Variants in TUBA8 observed in about 807,000 individuals in gnomAD.
TUBA8 encodes tubulin alpha 8, also known as tubulin alpha-8 chain.
TUBA8 carries 29 observed loss-of-function variants against 34.7 expected under a neutral mutation model. That is an observed-to-expected ratio of 0.84 (90% confidence interval 0.62 to 1.14). TUBA8 has a LOEUF of 1.14. Ranked by LOEUF, TUBA8 falls within the 50% of genes most tolerant of loss-of-function variation. The probability of loss-of-function intolerance (pLI) is 0.00; values close to 1 mark genes in which losing one functional copy is unlikely to be tolerated. For missense variants in TUBA8, 541 were observed against 599.2 expected (o/e 0.90, Z 1.01); for synonymous variants, 226 against 231.2 (o/e 0.98, Z 0.21).
At position 18,110,911 on chromosome 22, in the gene TUBA8, G is replaced by A; in HGVS notation, c.3+43G>A. ...CAGGCGGGCTGCGGGCGCGCGGCAG[G>A]CGTAGGACCGAGAGCCGAGTCTACG... On this transcript the variant is annotated intron_variant, in intron 1 of 4. Coordinates refer to ENST00000330423, the MANE Select transcript of TUBA8 (RefSeq NM_018943.3). The surrounding 1 kb of genome is among the most constrained non-coding windows in gnomAD (Gnocchi z 6.2). 6.5e-7 allele frequency: 1 copy of A among 1,540,254 alleles called. No homozygotes were observed.
Position 18,121,842 on chromosome 22 carries a change from T to G in TUBA8, c.226+141T>G, listed in dbSNP as rs1259112959. The G allele has an allele frequency of 3.9e-6, 3 of 763,224 alleles. No individual in the cohort carries two copies. The highest frequency in any genetic ancestry group is 6.5e-6 in the Non-Finnish European group (3 of 462,944). 47.3% of individuals were successfully genotyped at this position (763,224 alleles called of 1,614,324 possible). A position where few individuals can be genotyped will look rare whatever the true frequency, so the allele number is the denominator to read the frequency against. ...AGCCTCCCACCCCACGTGACATCTG[T>G]CAGCTCCTTGGGGTCCCCACAGTCT... On this transcript the variant is annotated intron_variant, in intron 2 of 4. Transcript: ENST00000330423. This position sits in a 1 kb window ranked among gnomAD's most constrained non-coding sequence, Gnocchi z 4.8.
At chr22:18,123,822 G>A (rs535518862) in intron 2 of TUBA8, 25 of 340,462 alleles carry the variant, frequency 7.3e-5, no homozygotes, top group South Asian at 6.0e-4. Flanking sequence ...CAATCTGCCC[G>A]CCTCGGCCTC....
chr22:18,111,188 G>T lies in TUBA8; in HGVS notation c.3+320G>T. 2 of 526,978 alleles carry T rather than the reference G, an allele frequency of 3.8e-6. No homozygotes were observed. The highest frequency in any genetic ancestry group is 3.4e-6 in the Non-Finnish European group (1 of 294,860). The allele number at this position is 526,978 out of a possible 1,614,324, so 32.6% of individuals were successfully genotyped here. A position where few individuals can be genotyped will look rare whatever the true frequency, so the allele number is the denominator to read the frequency against. On this transcript the variant is annotated intron_variant, in intron 1 of 4. Transcript: ENST00000330423. This position sits in a 1 kb window ranked among gnomAD's most constrained non-coding sequence, Gnocchi z 5.1. ...AGATTCTGGGGTCCCCAGATGGGCA[G>T]CCTGTGGACAGAGTGGAGAGAAGGG...
intron 1 of TUBA8, chr22:18,120,097 ACACT>A (rs1383956077): frequency 6.6e-6 from 1 of 152,304 alleles, no homozygotes; most frequent in Non-Finnish European, 1.5e-5. Flanking sequence ...ACACACACAC[ACACT>A]GTCTCTCTCC....
In TUBA8 at chr22:18,121,156, G is replaced by C. The variant is rs1206880036; in HGVS notation, c.4-323G>C. The C allele has an allele frequency of 2.8e-6, 1 of 351,866 alleles. No individual in the cohort carries two copies. The highest frequency in any genetic ancestry group is 2.8e-5 in the South Asian group (1 of 35,550). 21.8% of individuals were successfully genotyped at this position (351,866 alleles called of 1,614,324 possible). On this transcript the variant is annotated intron_variant, in intron 1 of 4. Transcript: ENST00000330423. This position sits in a 1 kb window ranked among gnomAD's most constrained non-coding sequence, Gnocchi z 4.8. ...GCCATGATCGCCAGTTCTTCCTTGG[G>C]CCTTCTTCACCAGTGCAGGAATCTT...
At chr22:18,130,641 G>T in intron 4 of TUBA8, 1 of 631,478 alleles carries the variant, frequency 1.6e-6, no homozygotes, top group South Asian at 2.0e-5. Flanking sequence ...TGCCCTGCCT[G>T]CTTCCACTTT....
intron 1 of TUBA8, chr22:18,113,401 C>T (rs930777641): frequency 6.6e-6 from 1 of 152,216 alleles, no homozygotes; most frequent in African/African-American, 2.4e-5. Flanking sequence ...GACTATGACA[C>T]CTTTTTTGGG....
chr22:18,126,470 A>G lies in TUBA8; in HGVS notation c.492A>G (p.Lys164=). The G allele has an allele frequency of 6.2e-7, 1 of 1,613,972 alleles. No individual in the cohort carries two copies. Among genetic ancestry groups the G allele is most frequent in the South Asian group, 1.1e-5 (1 of 91,064 alleles). ...MERLSLDYGK[K]SKLEFAIYPA... is the part of the protein sequence containing the mutation. ...GCCTCTCCCTGGATTATGGCAAGAA[A>G]TCCAAGCTGGAGTTTGCCATCTACC... Residue 164 remains lysine (K), a synonymous_variant, in exon 4 of 5, where the codon AAA becomes AAG. Transcript: ENST00000330423. This position sits in a 1 kb window ranked among gnomAD's most constrained non-coding sequence, Gnocchi z 4.0.
In TUBA8 at chr22:18,121,225, C is replaced by A. The variant is rs1602493754; in HGVS notation, c.4-254C>A. The A allele has an allele frequency of 4.0e-6, 2 of 502,312 alleles. No homozygotes were observed. The highest frequency in any genetic ancestry group is 1.9e-5 in the African/African-American group (1 of 51,840). The allele number at this position is 502,312 out of a possible 1,614,324, so 31.1% of individuals were successfully genotyped here. ...CTTGCTTCATCTTTGCAACCACCCT[C>A]CTTTTTTCTTTCCTGGTATAAAAGG... is the stretch of plus-strand genomic sequence containing the variant. On this transcript the variant is annotated intron_variant, in intron 1 of 4. Transcript: ENST00000330423. This position sits in a 1 kb window ranked among gnomAD's most constrained non-coding sequence, Gnocchi z 4.8.
At position 18,121,513 on chromosome 22, in the gene TUBA8, G is replaced by A; in HGVS notation, c.38G>A (p.Gly13Glu). Residue 13 changes from glycine (G) to glutamate (E), a missense_variant, in exon 2 of 5, where the codon GGA becomes GAA. Coordinates refer to ENST00000330423, the MANE Select transcript of TUBA8 (RefSeq NM_018943.3). The surrounding 1 kb of genome is among the most constrained non-coding windows in gnomAD (Gnocchi z 4.8). ...ATATCAGTCCACGTGGGCCAAGCGGGAGTTCAGATTGGCAATGCCTGCTGG... is the reference window on the plus strand; with the variant it reads ...ATATCAGTCCACGTGGGCCAAGCGGAAGTTCAGATTGGCAATGCCTGCTGG... ...ECISVHVGQA[G>E]VQIGNACWEL... 6.2e-7 allele frequency: 1 copy of A among 1,614,196 alleles called. No homozygotes were observed. Among genetic ancestry groups the A allele is most frequent in the Non-Finnish European group, 8.5e-7 (1 of 1,180,030 alleles).
chr22:18,113,879 C>T (rs1953394234), intron 1 of TUBA8: 1 of 152,294 alleles, frequency 6.6e-6, no homozygotes, highest in African/African-American at 2.4e-5. Flanking sequence ...CATTGGGAGC[C>T]CCCAGCCTTG....
chr22:18,129,187 T>C (rs1016929802), intron 4 of TUBA8: 4 of 152,350 alleles, frequency 2.6e-5, no homozygotes, highest in Admixed American at 2.0e-4. Flanking sequence ...AATTCTTTTT[T>C]CTTTTTCAAA....
chr22:18,127,337 T>C, intron 4 of TUBA8: 1 of 349,776 alleles, frequency 2.9e-6, no homozygotes, highest in Non-Finnish European at 5.2e-6. Flanking sequence ...TCTACTCACC[T>C]GAAGTACAGT....
chr22:18,125,686 C>G (rs777070680), intron 3 of TUBA8: 1 of 153,050 alleles, frequency 6.5e-6, no homozygotes, highest in South Asian at 2.1e-4. Context: ...TGAAGTGTGT[C>G]GGCAGCAGTT....
At chr22:18,115,791 AG>A (rs1927952012) in intron 1 of TUBA8, 2 of 152,396 alleles carry the variant, frequency 1.3e-5, no homozygotes, top group South Asian at 4.1e-4. Context: ...AGAAATGAGT[AG>A]GTGCCTTTTG....
Position 18,111,889 on chromosome 22 carries a change from G to C in TUBA8, c.3+1021G>C, listed in dbSNP as rs1440884013. Reference sequence around the variant, plus strand: ...CCTCCGCCCCGCCCTGTTACGTTTGGCCCGTGCCCAGGGCCTCCTGGCTCC... The same window carrying C: ...CCTCCGCCCCGCCCTGTTACGTTTGCCCCGTGCCCAGGGCCTCCTGGCTCC... On this transcript the variant is annotated intron_variant, in intron 1 of 4. Coordinates refer to ENST00000330423, the MANE Select transcript of TUBA8 (RefSeq NM_018943.3). This position sits in a 1 kb window ranked among gnomAD's most constrained non-coding sequence, Gnocchi z 5.1. 2 of 152,222 alleles carry C rather than the reference G, an allele frequency of 1.3e-5. No individual in the cohort carries two copies. The highest frequency in any genetic ancestry group is 2.4e-5 in the African/African-American group (1 of 41,442). The allele number at this position is 152,222 out of a possible 1,614,324, so 9.4% of individuals were successfully genotyped here.
At chr22:18,116,741 T>G (rs540698243) in intron 1 of TUBA8, 4 of 152,378 alleles carry the variant, frequency 2.6e-5, no homozygotes, top group African/African-American at 9.6e-5. Context: ...TCTGTGGAAC[T>G]TCCAGGCCGA....
rs764324852 is a variant in TUBA8, at chr22:18,124,667, G to T, written c.375+363G>T. 4.8e-6 allele frequency: 1 copy of T among 209,092 alleles called. No individual in the cohort carries two copies. The highest frequency in any genetic ancestry group is 2.3e-5 in the African/African-American group (1 of 44,064). The allele number at this position is 209,092 out of a possible 1,614,324, so 13.0% of individuals were successfully genotyped here. On this transcript the variant is annotated intron_variant, in intron 3 of 4. Transcript: ENST00000330423. This position sits in a 1 kb window ranked among gnomAD's most constrained non-coding sequence, Gnocchi z 4.3. ...AGGAAGAGATTGTTGATACATTTGG[G>T]CACTTACAAGTGCCATTACAGATGT... is the stretch of plus-strand genomic sequence containing the variant.
In TUBA8 at chr22:18,124,044, C is replaced by A; in HGVS notation, c.227-112C>A. ...ATTACGAGGTGGTCTGGCTTCAAAC[C>A]TCCATGGAGTTTTATAGGTAGGGGA... On this transcript the variant is annotated intron_variant, in intron 2 of 4. Coordinates refer to ENST00000330423, the MANE Select transcript of TUBA8 (RefSeq NM_018943.3). This position sits in a 1 kb window ranked among gnomAD's most constrained non-coding sequence, Gnocchi z 4.3. 7.2e-7 allele frequency: 1 copy of A among 1,380,894 alleles called. No individual in the cohort carries two copies. Among genetic ancestry groups the A allele is most frequent in the Non-Finnish European group, 1.0e-6 (1 of 982,974 alleles). The allele number at this position is 1,380,894 out of a possible 1,614,324, so 85.5% of individuals were successfully genotyped here.
Sources: gnomAD v4.1 joint callset for allele counts on GRCh38, gnomAD v4.1.1 for gene constraint, Gnocchi (gnomAD v3.1) non-coding constraint, MANE v1.5 for transcripts, NCBI Gene and HGNC (gene_info 2026-07-23, HGNC 2026-07-21) for gene names.